Variants in UNC5C observed in about 807,000 individuals in gnomAD.
UNC5C encodes netrin receptor UNC5C.
UNC5C carries 47 observed loss-of-function variants against 99.8 expected under a neutral mutation model. That is an observed-to-expected ratio of 0.47 (90% confidence interval 0.37 to 0.60). UNC5C has a LOEUF of 0.60. UNC5C is among the 20% of genes least tolerant of loss of function. The pLI, the probability that UNC5C is intolerant of heterozygous loss-of-function variation, is 0.00. For missense variants in UNC5C, 1,062 were observed against 1,165.9 expected (o/e 0.91, Z 1.30); for synonymous variants, 487 against 452.2 (o/e 1.08, Z -0.98).
At chr4:95,218,276 C>T (rs910412700) in intron 9 of UNC5C, among the ~76,000 whole-genome samples, 3 of 152,254 alleles carry the variant, frequency 2.0e-5, no homozygotes, top group African/African-American at 4.8e-5. Context: ...TAATGAATAT[C>T]GATTTTTAAT....
intron 12 of UNC5C, among the ~76,000 whole-genome samples, chr4:95,194,666 T>A (rs1206938127): frequency 1.3e-5 from 2 of 152,128 alleles, no homozygotes; most frequent in Non-Finnish European, 2.9e-5. Context: ...GTTCTCCACC[T>A]TCAAAACCAT....
chr4:95,351,702 TA>T (rs76200477), intron 1 of UNC5C, among the ~76,000 whole-genome samples: 69,575 of 151,598 alleles, frequency 0.46, 16,811 homozygotes, highest in African/African-American at 0.6. Flanking sequence ...AATTAAAAAT[TA>T]AAAAAAATAT....
At chr4:95,305,925 T>A (rs1035871220) in intron 2 of UNC5C, among the ~76,000 whole-genome samples, 3 of 152,214 alleles carry the variant, frequency 2.0e-5, no homozygotes, top group African/African-American at 7.2e-5. Flanking sequence ...TATTTCTTAT[T>A]TTTAGCATAT....
chr4:95,449,290 G>A (rs1353637672), intron 1 of UNC5C, among the ~76,000 whole-genome samples: 1 of 152,120 alleles, frequency 6.6e-6, no homozygotes, highest in Non-Finnish European at 1.5e-5. Context: ...AGCAATGAGA[G>A]GGCCATTGCC....
Position 95,343,006 on chromosome 4 carries a change from G to C in UNC5C, c.125-7375C>G, listed in dbSNP as rs575388585. Among the ~76,000 whole-genome samples the C allele has an allele frequency of 1.3e-3, 202 of 151,710 alleles. 1 individual carries two copies. The highest frequency in any genetic ancestry group is 4.6e-3 in the African/African-American group (192 of 41,362). Reference sequence around the variant, plus strand: ...GTGCCAGTTTAGCCACAGTAGAATAGAGTTCCAGGTAGATTCTTAAGGTTT... The same window carrying C: ...GTGCCAGTTTAGCCACAGTAGAATACAGTTCCAGGTAGATTCTTAAGGTTT... On this transcript the variant is annotated intron_variant, in intron 1 of 15. Coordinates refer to ENST00000453304, the MANE Select transcript of UNC5C (RefSeq NM_003728.4).
intron 1 of UNC5C, among the ~76,000 whole-genome samples, chr4:95,487,962 G>A (rs774730745): frequency 5.9e-5 from 9 of 151,762 alleles, no homozygotes; most frequent in Non-Finnish European, 8.8e-5. Context: ...GAAGGTTGAA[G>A]AGAATTTTAG....
intron 5 of UNC5C, among the ~76,000 whole-genome samples, chr4:95,247,568 A>G (rs2865414): frequency 0.4 from 60,306 of 151,990 alleles, 12,315 homozygotes; most frequent in East Asian, 0.59. Flanking sequence ...TCGTAGGTTT[A>G]TCCCTTCATT....
chr4:95,539,646 C>G (rs1722866102), intron 1 of UNC5C, among the ~76,000 whole-genome samples: 1 of 152,088 alleles, frequency 6.6e-6, no homozygotes, highest in Admixed American at 6.6e-5. Context: ...AAAAGCTACA[C>G]AAACACACAC....
At chr4:95,260,049 A>G (rs151140360) in intron 4 of UNC5C, among the ~76,000 whole-genome samples, 1 of 152,046 alleles carries the variant, frequency 6.6e-6, no homozygotes, top group Non-Finnish European at 1.5e-5. Context: ...TGCTTTCCCT[A>G]CCACCCTGAA....
chr4:95,424,502 A>ATTTTTTTTTTTTTTTTTTTT (rs202226117), intron 1 of UNC5C, among the ~76,000 whole-genome samples: 1 of 95,844 alleles, frequency 1.0e-5, no homozygotes, highest in Non-Finnish European at 2.1e-5. Flanking sequence ...GGGCTTCAGA[A>ATTTTTTTTTTTTTTTTTTTT]TTTTTTTTTT....
chr4:95,319,177 A>T (rs948369469), intron 2 of UNC5C, among the ~76,000 whole-genome samples: 1 of 152,202 alleles, frequency 6.6e-6, no homozygotes, highest in African/African-American at 2.4e-5. Flanking sequence ...GTTGTACATT[A>T]GCATTACTAG....
At chr4:95,352,225 C>T (rs893621183) in intron 1 of UNC5C, among the ~76,000 whole-genome samples, 5 of 152,144 alleles carry the variant, frequency 3.3e-5, no homozygotes, top group African/African-American at 4.8e-5. Context: ...CTGCCAGCCT[C>T]TATGTCTCAT....
In UNC5C at chr4:95,163,841, C is replaced by T. The variant is rs1579186771; in HGVS notation, c.*5393G>A. ...TTCCAGAAGATCTCTGGACAGGTCC[C>T]TTCAGTAGGCAAGCGTCTGAGTAGA... is the stretch of plus-strand genomic sequence containing the variant. On this transcript the variant is annotated 3_prime_UTR_variant, in exon 16 of 16. Transcript: ENST00000453304. 6.6e-6 allele frequency: 1 copy of T among 152,164 alleles called. No homozygotes were observed. The highest frequency in any genetic ancestry group is 1.5e-5 in the Non-Finnish European group (1 of 68,032). 9.4% of individuals were successfully genotyped at this position (152,164 alleles called of 1,614,324 possible).
intron 1 of UNC5C, among the ~76,000 whole-genome samples, chr4:95,422,137 A>C (rs1482562296): frequency 6.6e-6 from 1 of 152,250 alleles, no homozygotes; most frequent in Non-Finnish European, 1.5e-5. Flanking sequence ...AGTGACACCA[A>C]GCCCATAATG....
chr4:95,429,602 C>A (rs978733791), intron 1 of UNC5C, among the ~76,000 whole-genome samples: 1 of 152,030 alleles, frequency 6.6e-6, no homozygotes, highest in Admixed American at 6.6e-5. Flanking sequence ...CTTTCCATTT[C>A]GAGGTGTTTG....
chr4:95,462,254 AAT>A (rs1747626510), intron 1 of UNC5C, among the ~76,000 whole-genome samples: 1 of 152,204 alleles, frequency 6.6e-6, no homozygotes, highest in Non-Finnish European at 1.5e-5. Context: ...ATATACAGTA[AAT>A]AGTTATAAAT....
intron 1 of UNC5C, among the ~76,000 whole-genome samples, chr4:95,500,832 A>T (rs2149484299): frequency 6.6e-6 from 1 of 152,228 alleles, no homozygotes; most frequent in South Asian, 2.1e-4. Flanking sequence ...AAGGAAGAAA[A>T]ATTCAGTCCC....
chr4:95,288,079 T>TTTATTTATTTATTTAG, intron 3 of UNC5C, among the ~76,000 whole-genome samples: 1 of 150,532 alleles, frequency 6.6e-6, no homozygotes, highest in Non-Finnish European at 1.5e-5. Context: ...TATTTATTTA[T>TTTATTTATTTATTTAG]TTATTTATTT....
intron 4 of UNC5C, among the ~76,000 whole-genome samples, chr4:95,253,933 CTTTTTAGA>C (rs1264227671): frequency 1.3e-5 from 2 of 152,160 alleles, no homozygotes; most frequent in Non-Finnish European, 2.9e-5. Flanking sequence ...ATTTTGGTCT[CTTTTTAGA>C]TTGTTTCCTT....
Sources: allele counts gnomAD v4.1 joint callset (sites outside exome capture counted in the v4.1 genomes callset), GRCh38; gene constraint gnomAD v4.1.1; transcripts MANE v1.5; gene names NCBI Gene and HGNC (gene_info 2026-07-23, HGNC 2026-07-21).